The following RBFOX1 variants were observed in gnomAD, a reference collection of about 807,000 sequenced individuals.
RBFOX1 encodes RNA binding protein fox-1 homolog 1.
Under a neutral mutation model 57.7 loss-of-function variants are expected in RBFOX1, and 8 were observed. That is an observed-to-expected ratio of 0.14 (90% confidence interval 0.08 to 0.25). The LOEUF (loss-of-function observed/expected upper bound fraction) is 0.25. Among genes scored for constraint, RBFOX1 ranks in the 10% least tolerant of loss-of-function variants. The pLI is 1.00. For missense variants in RBFOX1, 611 were observed against 548.5 expected (o/e 1.11, Z -1.14); for synonymous variants, 326 against 222.4 (o/e 1.47, Z -4.15).
chr16:6,327,609 G>T (rs887922994), intron 2 of RBFOX1, among the ~76,000 whole-genome samples: 1 of 152,078 alleles, frequency 6.6e-6, no homozygotes, highest in Non-Finnish European at 1.5e-5. Flanking sequence ...TTTGCAATTA[G>T]GAGTCAAATA....
chr16:7,258,432 A>G (rs958558144), intron 4 of RBFOX1, among the ~76,000 whole-genome samples: 4 of 151,970 alleles, frequency 2.6e-5, no homozygotes, highest in Non-Finnish European at 2.9e-5. Flanking sequence ...TGTGTGCATT[A>G]TTTGCCTGTT....
chr16:7,532,028 T>C (rs2080219473), intron 5 of RBFOX1, among the ~76,000 whole-genome samples: 1 of 152,226 alleles, frequency 6.6e-6, no homozygotes, highest in Non-Finnish European at 1.5e-5. Flanking sequence ...TTGCTATAAT[T>C]ATAACCCAAA....
At chr16:6,106,463 T>C (rs1275732855) in intron 1 of RBFOX1, among the ~76,000 whole-genome samples, 1 of 22,362 alleles carries the variant, frequency 4.5e-5, no homozygotes, top group African/African-American at 2.8e-4. Flanking sequence ...TGAGTATCTG[T>C]CTCAAAAATA....
At chr16:6,432,785 C>G (rs2094135474) in intron 2 of RBFOX1, among the ~76,000 whole-genome samples, 1 of 152,060 alleles carries the variant, frequency 6.6e-6, no homozygotes, top group East Asian at 1.9e-4. Flanking sequence ...CGAGACCAGT[C>G]TGACTGATGT....
At chr16:6,851,185 G>T (rs1273832294) in intron 3 of RBFOX1, among the ~76,000 whole-genome samples, 1 of 152,024 alleles carries the variant, frequency 6.6e-6, no homozygotes, top group Non-Finnish European at 1.5e-5. Context: ...GTATCTAAAG[G>T]TTACATACAA....
intron 1 of RBFOX1, among the ~76,000 whole-genome samples, chr16:5,321,874 C>T (rs559065382): frequency 2.4e-4 from 37 of 152,252 alleles, no homozygotes; most frequent in African/African-American, 8.2e-4. Context: ...CTCTGTAGCA[C>T]AGAGCAGGGA....
intron 3 of RBFOX1, among the ~76,000 whole-genome samples, chr16:6,787,735 C>T (rs1221884458): frequency 6.6e-6 from 1 of 152,146 alleles, no homozygotes; most frequent in African/African-American, 2.4e-5. Flanking sequence ...CAAATGAGCA[C>T]AGAGCTTCTG....
chr16:5,276,211 G>A (rs1177531602), intron 1 of RBFOX1, among the ~76,000 whole-genome samples: 1 of 152,184 alleles, frequency 6.6e-6, no homozygotes, highest in Non-Finnish European at 1.5e-5. Context: ...AAAGCCTCCT[G>A]CACAGCAAAG....
chr16:7,645,099 T>C (rs1046666765), intron 11 of RBFOX1, among the ~76,000 whole-genome samples: 1 of 152,204 alleles, frequency 6.6e-6, no homozygotes, highest in Non-Finnish European at 1.5e-5. Flanking sequence ...CCATCTTTTT[T>C]TTCCCTTTCA....
At chr16:5,339,470 G>GTTTTTTTT (rs560472298) in intron 1 of RBFOX1, among the ~76,000 whole-genome samples, 2,719 of 40,858 alleles carry the variant, frequency 0.067, 840 homozygotes, top group Non-Finnish European at 0.097. Context: ...CTTTTTCCGT[G>GTTTTTTTT]TTTTTTTTTT....
At chr16:7,362,307 T>A (rs201564921) in intron 4 of RBFOX1, among the ~76,000 whole-genome samples, 3 of 91,292 alleles carry the variant, frequency 3.3e-5, no homozygotes, top group South Asian at 7.6e-4. Context: ...TTCGTGTGTT[T>A]GCGTGTGTGT....
intron 3 of RBFOX1, among the ~76,000 whole-genome samples, chr16:5,770,817 C>T (rs1210264992): frequency 6.6e-6 from 1 of 152,216 alleles, no homozygotes; most frequent in Admixed American, 6.5e-5. Context: ...GCTTTTAGAA[C>T]TCTATGCCAA....
At chr16:6,705,066 G>A (rs2062489113) in intron 3 of RBFOX1, 1 of 152,110 alleles carries the variant, frequency 6.6e-6, no homozygotes, top group Non-Finnish European at 1.5e-5. Context: ...GCACTAAGCA[G>A]CTTGATGGTC....
chr16:7,647,201 A>G (rs2063918597), intron 11 of RBFOX1, among the ~76,000 whole-genome samples: 1 of 152,200 alleles, frequency 6.6e-6, no homozygotes, highest in African/African-American at 2.4e-5. Context: ...TCTGTATATA[A>G]ATCTAGCTGA....
chr16:6,561,017 G>A lies in RBFOX1; in HGVS notation c.-63-93586G>A, dbSNP rs917916410. On this transcript the variant is annotated intron_variant, in intron 2 of 15. Coordinates refer to ENST00000550418, the MANE Select transcript of RBFOX1 (RefSeq NM_018723.4). ...CATCCACTTAAAGACAACTTCAAAC[G>A]CACCCTCCAACCACAGGCTTAAGTT... Among the ~76,000 whole-genome samples, 9 of 152,224 alleles carry A rather than the reference G, an allele frequency of 5.9e-5. No individual in the cohort carries two copies. In the South Asian group the frequency reaches 1.2e-3, roughly 21 times the overall value.
At chr16:7,529,502 T>G (rs931214341) in intron 5 of RBFOX1, among the ~76,000 whole-genome samples, 1 of 152,238 alleles carries the variant, frequency 6.6e-6, no homozygotes, top group Non-Finnish European at 1.5e-5. Flanking sequence ...TATCCATCCA[T>G]CCAATCATTG....
intron 3 of RBFOX1, among the ~76,000 whole-genome samples, chr16:6,924,510 C>G (rs2075156850): frequency 6.6e-6 from 1 of 152,078 alleles, no homozygotes; most frequent in Non-Finnish European, 1.5e-5. Context: ...TATTTCCCTC[C>G]AGGCCCACCT....
chr16:6,895,488 T>TATATATATATA (rs1567761887), intron 3 of RBFOX1, among the ~76,000 whole-genome samples: 3 of 65,670 alleles, frequency 4.6e-5, no homozygotes, highest in Non-Finnish European at 9.1e-5. Flanking sequence ...ATATATATAT[T>TATATATATATA]TATTCCCCTA....
At chr16:6,064,592 G>T (rs549841018) in intron 1 of RBFOX1, among the ~76,000 whole-genome samples, 1 of 152,140 alleles carries the variant, frequency 6.6e-6, no homozygotes, top group African/African-American at 2.4e-5. Flanking sequence ...CCAGGCTGGA[G>T]TGCAGTGGTG....
Sources: gnomAD v4.1 joint callset for allele counts (sites outside exome capture counted in the v4.1 genomes callset) on GRCh38, gnomAD v4.1.1 for gene constraint, MANE v1.5 for transcripts, NCBI Gene and HGNC (gene_info 2026-07-23, HGNC 2026-07-21) for gene names.